Variants in SDF4 observed in about 807,000 individuals in gnomAD.
The protein encoded by SDF4 is stromal cell derived factor 4, also known as 45 kDa calcium-binding protein.
A neutral mutation model predicts 34.2 loss-of-function variants in SDF4; 22 were observed. The observed-to-expected ratio is 0.64, with a 90% CI of 0.46 to 0.92. The LOEUF is 0.92. Ranked by LOEUF, SDF4 falls within the 40% of genes least tolerant of loss-of-function variation. The probability of loss-of-function intolerance (pLI) is 0.00; values close to 1 mark genes in which losing one functional copy is unlikely to be tolerated. For synonymous variants in SDF4, 236 were observed against 203.1 expected, an observed-to-expected ratio of 1.16 and a Z score of -1.38; for missense variants, 447 against 499.9, an observed-to-expected ratio of 0.89 and a Z score of 1.01.
rs1649894847 is a variant in SDF4, at chr1:1,220,713, G to A, written c.557-1786C>T. ...TCACAGAAATGTCACAGAGCTCTAG[G>A]TCCAGGTGGGCCATGTCCTGGGCAG... On this transcript the variant is annotated intron_variant, in intron 4 of 6. Transcript: ENST00000360001. 6.2e-6 allele frequency: 8 copies of A among 1,289,124 alleles called. No homozygotes were observed. In the South Asian group the frequency reaches 9.9e-5, roughly 16 times the overall value. The allele number at this position is 1,289,124 out of a possible 1,614,324, so 79.9% of individuals were successfully genotyped here.
rs376670969 is a variant in SDF4 at position 1,220,576 on chromosome 1, C to G, written c.557-1649G>C. On this transcript the variant is annotated intron_variant, in intron 4 of 6. Coordinates refer to ENST00000360001, the MANE Select transcript of SDF4 (RefSeq NM_016176.6). ...CACCCTGAGGTCGGGGAGGCCAAGA[C>G]GGATCGGACACGGGTGGGCAGGGAA... The G allele has an allele frequency of 1.4e-3, 1,741 of 1,282,534 alleles. 3 individuals are homozygous for G. The highest frequency in any genetic ancestry group is 1.7e-3 in the Non-Finnish European group (1,675 of 984,146). 79.4% of individuals were successfully genotyped at this position (1,282,534 alleles called of 1,614,324 possible). A position where few individuals can be genotyped will look rare whatever the true frequency, so the allele number is the denominator to read the frequency against.
At chr1:1,231,610 C>T (rs1455907056) in intron 1 of SDF4, among the ~76,000 whole-genome samples, 2 of 152,238 alleles carry the variant, frequency 1.3e-5, no homozygotes, top group Admixed American at 1.3e-4. Flanking sequence ...CCAACCAGAC[C>T]CCTTGGGCCT....
chr1:1,225,224 G>A (rs1031098174), intron 2 of SDF4, among the ~76,000 whole-genome samples: 3 of 152,240 alleles, frequency 2.0e-5, no homozygotes, highest in Admixed American at 2.0e-4. Flanking sequence ...CAGGGCAACA[G>A]CACTGGGAGG....
Position 1,223,341 on chromosome 1 carries a change from G to C in SDF4, c.459C>G (p.Asp153Glu). Reference sequence around the variant, plus strand: ...TCGCCAAAAACTTCACCTTATACTCGTCCCAAGACACGTGACCTGGAAGAG... The same window carrying C: ...TCGCCAAAAACTTCACCTTATACTCCTCCCAAGACACGTGACCTGGAAGAG... The part of the protein sequence containing the change: ...DPDGDGHVSW[D>E]EYKVKFLASK... The change falls in exon 4 of 7, where the codon GAC (aspartate) becomes GAG (glutamate). Residue 153 changes from aspartate (D) to glutamate (E), a missense_variant. Coordinates refer to ENST00000360001, the MANE Select transcript of SDF4 (RefSeq NM_016176.6). The C allele has an allele frequency of 6.2e-7, 1 of 1,611,720 alleles. No homozygotes were observed. Among genetic ancestry groups the C allele is most frequent in the Middle Eastern group, 1.7e-4 (1 of 6,048 alleles).
rs1638395231 is a variant in SDF4 at position 1,228,737 on chromosome 1, A to G, written c.36T>C (p.Ala12=). 6.2e-7 allele frequency: 1 copy of G among 1,612,408 alleles called. No individual in the cohort carries two copies. Among genetic ancestry groups the G allele is most frequent in the South Asian group, 1.1e-5 (1 of 91,068 alleles). The change falls in exon 2 of 7, where the codon GCT becomes GCC. Residue 12 remains alanine (A), a synonymous_variant. Transcript: ENST00000360001. ...ASRWGPLIGL[A]PCCLWLLGAV... ...CCCCCAGGAGCCAGAGGCAGCACGG[A>G]GCCAGGCCAATGAGGGGACCCCACC...
At chr1:1,220,808 G>C in intron 4 of SDF4, 1 of 1,237,956 alleles carries the variant, frequency 8.1e-7, no homozygotes, top group Non-Finnish European at 1.1e-6. Flanking sequence ...GCACGGGCAA[G>C]GCCTCCTGCC....
intron 2 of SDF4, among the ~76,000 whole-genome samples, chr1:1,226,308 C>G (rs1341336990): frequency 6.6e-6 from 1 of 152,108 alleles, no homozygotes. Context: ...CACCTCCCCT[C>G]TGGATGCTCT....
rs1650089724 is a variant in SDF4, at chr1:1,223,319, C to T, written c.481G>A (p.Ala161Thr). ...SWDEYKVKFL[A>T]SKGHSEKEVA... ...TCCTTCTCGCTATGGCCTTTACTCGCCAAAAACTTCACCTTATACTCGTCC... is the reference window on the plus strand; with the variant it reads ...TCCTTCTCGCTATGGCCTTTACTCGTCAAAAACTTCACCTTATACTCGTCC... The change falls in exon 4 of 7, where the codon GCG becomes ACG. Residue 161 changes from alanine (A) to threonine (T), a missense_variant. Coordinates refer to ENST00000360001, the MANE Select transcript of SDF4 (RefSeq NM_016176.6). 2.5e-6 allele frequency: 4 copies of T among 1,613,860 alleles called. No individual in the cohort carries two copies. Among genetic ancestry groups the T allele is most frequent in the Non-Finnish European group, 2.5e-6 (3 of 1,179,888 alleles).
chr1:1,218,097 G>A lies in SDF4; in HGVS notation c.891+361C>T, dbSNP rs947985632. 6.6e-6 allele frequency among the ~76,000 whole-genome samples: 1 copy of A among 152,228 alleles called. No individual in the cohort carries two copies. The highest frequency in any genetic ancestry group is 1.5e-5 in the Non-Finnish European group (1 of 68,034). On this transcript the variant is annotated intron_variant, in intron 6 of 6. Coordinates refer to ENST00000360001, the MANE Select transcript of SDF4 (RefSeq NM_016176.6). The surrounding 1 kb of genome is among the most constrained non-coding windows in gnomAD (Gnocchi z 7.9). Reference sequence around the variant, plus strand: ...GAAGGTGGTAAATTCCAGCCATGTGGCACAGGCCGCCCCGCCCACCTGCAC... The same window carrying A: ...GAAGGTGGTAAATTCCAGCCATGTGACACAGGCCGCCCCGCCCACCTGCAC...
At chr1:1,220,112 A>G (rs1041006361) in intron 4 of SDF4, 1 of 986,864 alleles carries the variant, frequency 1.0e-6, no homozygotes, top group African/African-American at 1.7e-5. Context: ...TTTCTCCAGC[A>G]CAGGATTCTC....
chr1:1,225,562 C>A lies in SDF4; in HGVS notation c.306-1594G>T, dbSNP rs566417666. ...GGTGGACGGGCCTGGGAGGCACCCT[C>A]AGCTCCACAGTCCCCAAAACACACC... On this transcript the variant is annotated intron_variant, in intron 2 of 6. Coordinates refer to ENST00000360001, the MANE Select transcript of SDF4 (RefSeq NM_016176.6). 2.0e-5 allele frequency among the ~76,000 whole-genome samples: 3 copies of A among 152,346 alleles called. No individual in the cohort carries two copies. The South Asian group carries it at 6.2e-4, about 32-fold the overall frequency.
At chr1:1,224,113 G>A (rs950897753) in intron 2 of SDF4, 145 bp from the exon 3 acceptor site, 51 of 1,444,760 alleles carry the variant, frequency 3.5e-5, no homozygotes, top group South Asian at 1.2e-4. Flanking sequence ...CGCGAAAAGC[G>A]TCCGGGACGT....
intron 2 of SDF4, 31 bp downstream of exon 2, chr1:1,228,437 C>CAGG: frequency 6.5e-7 from 1 of 1,542,522 alleles, no homozygotes; most frequent in Admixed American, 1.9e-5. Context: ...ACGCGGACAG[C>CAGG]CCCCCAGTCT....
intron 1 of SDF4, among the ~76,000 whole-genome samples, chr1:1,230,927 G>A (rs574926857): frequency 2.0e-5 from 3 of 152,366 alleles, no homozygotes; most frequent in Admixed American, 1.3e-4. Context: ...TGTGTGCAAA[G>A]AGACTGTACT....
chr1:1,231,025 C>T (rs1268270537), intron 1 of SDF4, among the ~76,000 whole-genome samples: 1 of 152,186 alleles, frequency 6.6e-6, no homozygotes, highest in Non-Finnish European at 1.5e-5. Flanking sequence ...ATCGTGAGAC[C>T]AGCCTGGGCA....
Position 1,228,469 on chromosome 1 carries a change from T to G in SDF4, c.304A>C (p.Lys102Gln). Residue 102 changes from lysine to glutamine, a missense_variant and splice_region_variant, in exon 2 of 7, where the codon AAG becomes CAG. Coordinates refer to ENST00000360001, the MANE Select transcript of SDF4 (RefSeq NM_016176.6). ...GTCTGGGCACATGGCGGCACCTACT[T>G]GGAAAAGATGACCATCAGCTTCCTC... is the stretch of plus-strand genomic sequence containing the variant. ...SRRKLMVIFSKVDVNTDRKIS... is the reference protein window; with the variant it reads ...SRRKLMVIFSQVDVNTDRKIS... 6.2e-7 allele frequency: 1 copy of G among 1,600,404 alleles called. No individual in the cohort carries two copies. Among genetic ancestry groups the G allele is most frequent in the South Asian group, 1.1e-5 (1 of 89,772 alleles).
intron 4 of SDF4, chr1:1,219,822 C>T (rs551011533): frequency 7.3e-5 from 72 of 985,850 alleles, no homozygotes; most frequent in African/African-American, 6.1e-4. Context: ...ACGTGAGGCC[C>T]GACTCTGCCC....
At position 1,223,305 on chromosome 1, in the gene SDF4, A is replaced by G. The variant is rs770105338; in HGVS notation, c.495T>C (p.His165=). 3.7e-6 allele frequency: 6 copies of G among 1,613,940 alleles called. No homozygotes were observed. The highest frequency in any genetic ancestry group is 1.7e-5 in the Admixed American group (1 of 60,008). The change falls in exon 4 of 7, where the codon CAT becomes CAC. Residue 165 remains histidine (H), a synonymous_variant. Coordinates refer to ENST00000360001, the MANE Select transcript of SDF4 (RefSeq NM_016176.6). ...YKVKFLASKG[H]SEKEVADAIR... is the part of the protein sequence containing the mutation. ...TGGCGTCGGCAACCTCCTTCTCGCT[A>G]TGGCCTTTACTCGCCAAAAACTTCA... is the stretch of plus-strand genomic sequence containing the variant.
At chr1:1,228,378 C>T (rs1291181230) in intron 2 of SDF4, 90 bp downstream of exon 2, 24 of 1,384,552 alleles carry the variant, frequency 1.7e-5, no homozygotes, top group Admixed American at 1.5e-4. Context: ...ACACAGGGCC[C>T]GGCGCCCCCC....
Sources: gnomAD v4.1 joint callset for allele counts (sites outside exome capture counted in the v4.1 genomes callset) on GRCh38, gnomAD v4.1.1 for gene constraint, Gnocchi (gnomAD v3.1) non-coding constraint, MANE v1.5 for transcripts, NCBI Gene and HGNC (gene_info 2026-07-23, HGNC 2026-07-21) for gene names.